PDXDC1: variants seen among roughly 807,000 people sequenced by gnomAD.
PDXDC1 encodes pyridoxal dependent decarboxylase domain containing 1.
PDXDC1 carries 42 observed loss-of-function variants against 100.1 expected under a neutral mutation model. The ratio of observed to expected loss-of-function variants is 0.42; its 90% confidence interval spans 0.33 to 0.54. PDXDC1 has a LOEUF of 0.54. Ranked by LOEUF, PDXDC1 falls within the 20% of genes least tolerant of loss-of-function variation. The pLI is 0.10. For synonymous variants in PDXDC1, 260 were observed against 371.7 expected (o/e 0.70, Z 3.46); for missense variants, 636 against 979.2 (o/e 0.65, Z 4.68).
chr16:15,065,282 G>A (rs746587312), intron 16 of PDXDC1: 1 of 1,613,714 alleles, frequency 6.2e-7, no homozygotes, highest in South Asian at 1.1e-5. Flanking sequence ...GATCTGCACT[G>A]AGTCTCCTCC....
At chr16:15,021,274 G>T (rs1409011131) in intron 12 of PDXDC1, among the ~76,000 whole-genome samples, 1 of 152,252 alleles carries the variant, frequency 6.6e-6, no homozygotes, top group African/African-American at 2.4e-5. Flanking sequence ...CTACTCAGGA[G>T]GCTGAGGTGG....
intron 16 of PDXDC1, among the ~76,000 whole-genome samples, chr16:15,090,944 G>GGTA: frequency 6.6e-6 from 1 of 151,380 alleles, no homozygotes; most frequent in East Asian, 1.9e-4. Context: ...GGAGGAAAGA[G>GGTA]GTAGTAATCT....
chr16:15,150,352 A>AATAG, the PDXDC1 span, among the ~76,000 whole-genome samples: 1 of 136,518 alleles, frequency 7.3e-6, no homozygotes, highest in Non-Finnish European at 1.6e-5. Context: ...AATAACAATA[A>AATAG]ATAAATAAAT....
intron 16 of PDXDC1, among the ~76,000 whole-genome samples, chr16:15,129,631 C>A (rs1397375868): frequency 6.6e-6 from 1 of 152,216 alleles, no homozygotes; most frequent in Non-Finnish European, 1.5e-5. Flanking sequence ...ACTTGTGGGG[C>A]CACGCTACTG....
At chr16:15,128,480 C>A (rs2047875893) in intron 16 of PDXDC1, 1 of 746,672 alleles carries the variant, frequency 1.3e-6, no homozygotes, top group Non-Finnish European at 2.3e-6. Flanking sequence ...GGCCTCCGCG[C>A]ACTCAAGGAG....
chr16:15,021,384 CAAAAAAAA>C (rs377512816), intron 12 of PDXDC1, among the ~76,000 whole-genome samples: 2 of 142,668 alleles, frequency 1.4e-5, no homozygotes, highest in East Asian at 2.1e-4. Flanking sequence ...GACCCTGTCT[CAAAAAAAA>C]AAAAGAAAAA....
chr16:15,035,382 G>A (rs1248463758), intron 21 of PDXDC1, 67 bp from the exon 22 acceptor site: 2 of 789,130 alleles, frequency 2.5e-6, no homozygotes, highest in Admixed American at 2.8e-5. Context: ...GGCTGTGTGA[G>A]GGCAGGTGGT....
intron 16 of PDXDC1, chr16:15,132,744 C>T (rs1356253139): frequency 1.6e-5 from 18 of 1,114,300 alleles, no homozygotes; most frequent in African/African-American, 1.4e-4. Context: ...AGCGCAGCAG[C>T]GATCTGCTGG....
At chr16:15,130,316 C>A in intron 16 of PDXDC1, 4 of 1,544,428 alleles carry the variant, frequency 2.6e-6, no homozygotes, top group Non-Finnish European at 3.5e-6. Flanking sequence ...GGGGCAGCAG[C>A]CCCTCTGTCC....
At position 14,986,167 on chromosome 16, in the gene PDXDC1, GCTA is replaced by G. The variant is rs1969323360; in HGVS notation, c.21+10948_21+10950del. Among the ~76,000 whole-genome samples, 4 of 152,230 alleles carry G rather than the reference GCTA, an allele frequency of 2.6e-5. No individual in the cohort carries two copies. In the South Asian group the frequency reaches 8.3e-4, roughly 32 times the overall value. ...TAGTAGGGCTTGTTTTATAAAATGA[GCTA>G]ACTATTAAAGTCTCAGTTCTGGCTG... On this transcript the variant is annotated intron_variant, in intron 1 of 22. Transcript: ENST00000396410.
chr16:15,022,238 A>G (rs1238225410), intron 12 of PDXDC1, among the ~76,000 whole-genome samples: 2 of 152,286 alleles, frequency 1.3e-5, no homozygotes, highest in African/African-American at 4.8e-5. Context: ...CCATTTTATA[A>G]TTGAGGGAAC....
chr16:15,047,675 G>A, intron 16 of PDXDC1: 1 of 919,660 alleles, frequency 1.1e-6, no homozygotes, highest in Non-Finnish European at 1.8e-6. Flanking sequence ...AAACGGACAG[G>A]TCTGTGCTCC....
intron 16 of PDXDC1, among the ~76,000 whole-genome samples, chr16:15,053,861 G>A (rs189989763): frequency 6.6e-6 from 1 of 152,254 alleles, no homozygotes; most frequent in African/African-American, 2.4e-5. Context: ...GCAGTGAGCC[G>A]AGATTGTGCC....
chr16:15,100,061 T>C (rs2046487298), intron 16 of PDXDC1, among the ~76,000 whole-genome samples: 1 of 152,218 alleles, frequency 6.6e-6, no homozygotes, highest in Admixed American at 6.5e-5. Flanking sequence ...CCTGTAACCC[T>C]CCTGTAATCT....
At chr16:15,062,545 T>G (rs1006482255) in intron 16 of PDXDC1, among the ~76,000 whole-genome samples, 4 of 152,200 alleles carry the variant, frequency 2.6e-5, no homozygotes, top group African/African-American at 9.6e-5. Context: ...TGTAACTGTC[T>G]CAGCTCCACC....
rs773221769 is a variant in PDXDC1, at chr16:15,031,747, G to A, written c.1412G>A (p.Arg471Gln). ...TGAACATCTTCAGTTTTAGGAACTC[G>A]GGGAGAGGATGTGGATCAGCTCGTA... is the stretch of plus-strand genomic sequence containing the variant. Reference protein sequence around the residue: ...PLMTAAVLGTRGEDVDQLVAC... With the variant: ...PLMTAAVLGTQGEDVDQLVAC... The change falls in exon 17 of 23, where the codon CGG becomes CAG. Residue 471 changes from arginine to glutamine, a missense_variant. By Grantham distance (43) the Arg-to-Gln change is conservative. Coordinates refer to ENST00000396410, the MANE Select transcript of PDXDC1 (RefSeq NM_015027.4). The A allele has an allele frequency of 4.4e-5, 71 of 1,610,492 alleles. No individual in the cohort carries two copies. Among genetic ancestry groups the A allele is most frequent in the Admixed American group, 1.5e-4 (9 of 59,936 alleles).
At chr16:15,145,713 G>A in the PDXDC1 span, among the ~76,000 whole-genome samples, 1 of 152,386 alleles carries the variant, frequency 6.6e-6, no homozygotes, top group African/African-American at 2.4e-5. Context: ...AGGTGTTCTG[G>A]GAAAGGGCGT....
At chr16:14,988,666 C>T (rs200861491) in intron 1 of PDXDC1, 3,219 of 1,612,032 alleles carry the variant, frequency 2.0e-3, no homozygotes, top group Non-Finnish European at 2.4e-3. Context: ...CCCTCGGCAT[C>T]CGCCAGCACG....
intron 15 of PDXDC1, 156 bp downstream of exon 15, chr16:15,029,122 T>C (rs2042862136): frequency 7.1e-6 from 6 of 846,972 alleles, no homozygotes; most frequent in Non-Finnish European, 1.1e-5. Flanking sequence ...TGTTCCCCAT[T>C]GCGTTACCAC....
Sources: allele counts gnomAD v4.1 joint callset (sites outside exome capture counted in the v4.1 genomes callset), GRCh38; gene constraint gnomAD v4.1.1; transcripts MANE v1.5; gene names NCBI Gene and HGNC (gene_info 2026-07-23, HGNC 2026-07-21).